The following MAGI2 variants were observed in gnomAD, a reference collection of about 807,000 sequenced individuals.
The protein encoded by MAGI2 is membrane associated guanylate kinase, WW and PDZ domain containing 2.
Under a neutral mutation model 133.3 loss-of-function variants are expected in MAGI2, and 35 were observed. That is an observed-to-expected ratio of 0.26 (90% CI 0.20 to 0.35). MAGI2 has a LOEUF of 0.35. Ranked by LOEUF, MAGI2 falls within the 10% of genes least tolerant of loss-of-function variation. The pLI, the probability that MAGI2 is intolerant of heterozygous loss-of-function variation, is 1.00. For missense variants in MAGI2, 1,636 were observed against 1,863.4 expected (o/e 0.88, Z 2.25); for synonymous variants, 729 against 710.6 (o/e 1.03, Z -0.41).
intron 1 of MAGI2, among the ~76,000 whole-genome samples, chr7:79,084,828 A>G (rs1816344684): frequency 2.0e-5 from 3 of 151,736 alleles, no homozygotes; most frequent in Admixed American, 2.0e-4. Flanking sequence ...GATAGTGTTG[A>G]ATTTTTTAAT....
At chr7:78,850,322 G>A (rs1173618275) in intron 2 of MAGI2, among the ~76,000 whole-genome samples, 1 of 152,192 alleles carries the variant, frequency 6.6e-6, no homozygotes, top group African/African-American at 2.4e-5. Flanking sequence ...TGCTGCTGTA[G>A]TGCAAAGTCT....
At chr7:78,024,262 C>T (rs1808696486) in intron 21 of MAGI2, among the ~76,000 whole-genome samples, 1 of 152,158 alleles carries the variant, frequency 6.6e-6, no homozygotes, top group Admixed American at 6.5e-5. Context: ...ACATAGTTTT[C>T]TTTCTCTGCA....
chr7:78,255,807 C>G, intron 10 of MAGI2, 136 bp downstream of exon 10: 80 of 846,296 alleles, frequency 9.5e-5, no homozygotes, highest in Non-Finnish European at 1.3e-4. Context: ...TCATGTTTTT[C>G]TCTCTCACTC....
At chr7:78,069,644 A>G (rs959055605) in intron 21 of MAGI2, among the ~76,000 whole-genome samples, 1 of 151,774 alleles carries the variant, frequency 6.6e-6, no homozygotes, top group Admixed American at 6.6e-5. Context: ...TAGTTTCCAT[A>G]TTTGATCTTG....
chr7:79,443,316 G>A (rs1848622859), intron 1 of MAGI2, among the ~76,000 whole-genome samples: 1 of 147,466 alleles, frequency 6.8e-6, no homozygotes, highest in African/African-American at 2.5e-5. Context: ...GTGTGTGTGT[G>A]TATTCCATGT....
At position 78,409,778 on chromosome 7, in the gene MAGI2, T is replaced by C. The variant is rs570214373; in HGVS notation, c.1046-40565A>G. Among the ~76,000 whole-genome samples, 358 of 152,184 alleles carry C rather than the reference T, an allele frequency of 2.4e-3. 2 individuals are homozygous for C. Among genetic ancestry groups the C allele is most frequent in the African/African-American group, 7.8e-3 (323 of 41,542 alleles). ...GTACATGTTTCTTGAAGGAAGCTTTTGCATATGTTCCCAGACCCTGCCCCG... is the reference window on the plus strand; with the variant it reads ...GTACATGTTTCTTGAAGGAAGCTTTCGCATATGTTCCCAGACCCTGCCCCG... On this transcript the variant is annotated intron_variant, in intron 6 of 21. Transcript: ENST00000354212.
chr7:78,083,383 GGGGGGAGAGAGAGAGAGAGAGA>G (rs1476066521), intron 20 of MAGI2, among the ~76,000 whole-genome samples: 3,593 of 76,392 alleles, frequency 0.047, 100 homozygotes, highest in East Asian at 0.097. Context: ...AGGGAGGGAG[GGGGGGAGAGAGAGAGAGAGAGA>G]GAGAGAGAGA....
chr7:79,423,867 A>G (rs1322413573), intron 1 of MAGI2, among the ~76,000 whole-genome samples: 2 of 152,158 alleles, frequency 1.3e-5, no homozygotes, highest in Non-Finnish European at 2.9e-5. Flanking sequence ...AATGCATATT[A>G]TTATATAAAA....
chr7:78,412,996 C>G (rs979393471), intron 6 of MAGI2, among the ~76,000 whole-genome samples: 1 of 152,050 alleles, frequency 6.6e-6, no homozygotes, highest in African/African-American at 2.4e-5. Context: ...AAATGGGAAC[C>G]TTTTAATATT....
chr7:78,838,049 G>A (rs1346535086), intron 2 of MAGI2, among the ~76,000 whole-genome samples: 3 of 152,068 alleles, frequency 2.0e-5, no homozygotes, highest in Non-Finnish European at 4.4e-5. Flanking sequence ...CTCTCCTCAT[G>A]CATCTTTAAT....
At chr7:78,727,292 T>C (rs1820916045) in intron 2 of MAGI2, among the ~76,000 whole-genome samples, 1 of 152,198 alleles carries the variant, frequency 6.6e-6, no homozygotes, top group African/African-American at 2.4e-5. Context: ...ATTAGCTCTG[T>C]GATGGGGCTG....
intron 1 of MAGI2, among the ~76,000 whole-genome samples, chr7:79,423,115 T>C (rs762834708): frequency 5.3e-5 from 8 of 152,210 alleles, no homozygotes; most frequent in African/African-American, 1.2e-4. Flanking sequence ...CTTCTAACAT[T>C]ATAGCACTCT....
chr7:79,321,535 A>C (rs1187541837), intron 1 of MAGI2, among the ~76,000 whole-genome samples: 1 of 152,218 alleles, frequency 6.6e-6, no homozygotes, highest in Admixed American at 6.5e-5. Flanking sequence ...TAGGACAAAA[A>C]GGCAGTGCTT....
chr7:79,281,985 TA>T (rs1433421032), intron 1 of MAGI2, among the ~76,000 whole-genome samples: 2 of 152,178 alleles, frequency 1.3e-5, no homozygotes, highest in Non-Finnish European at 1.5e-5. Context: ...ATTTCCACTA[TA>T]AATCTTTTCA....
chr7:78,621,921 A>AT (rs774379878), intron 3 of MAGI2, among the ~76,000 whole-genome samples: 1 of 151,976 alleles, frequency 6.6e-6, no homozygotes, highest in Admixed American at 6.6e-5. Flanking sequence ...CCTCATGACT[A>AT]TTTTTCGGAT....
rs5885086 is a variant in MAGI2 at position 78,685,466 on chromosome 7, GTTT to G, written c.419-58230_419-58228del. On this transcript the variant is annotated intron_variant, in intron 2 of 21. Transcript: ENST00000354212. Reference sequence around the variant, plus strand: ...ACACTCCCTTCAATTTGTCATTGTCGTTTTTTTTTTTTTTAACAGCCCCACGAG... The same window carrying G: ...ACACTCCCTTCAATTTGTCATTGTCGTTTTTTTTTTTAACAGCCCCACGAG... Among the ~76,000 whole-genome samples the G allele has an allele frequency of 3.6e-3, 506 of 141,566 alleles. 1 individual carries two copies. The highest frequency in any genetic ancestry group is 9.2e-3 in the African/African-American group (362 of 39,476). 92.9% of individuals were successfully genotyped at this position (141,566 alleles called of 152,430 possible).
chr7:78,244,183 A>G (rs1438514288), intron 10 of MAGI2, among the ~76,000 whole-genome samples: 2 of 149,740 alleles, frequency 1.3e-5, no homozygotes, highest in African/African-American at 4.9e-5. Flanking sequence ...AAAAAAAAAA[A>G]AAAAAAAAAA....
intron 2 of MAGI2, among the ~76,000 whole-genome samples, chr7:78,750,314 C>T (rs1823335958): frequency 6.6e-6 from 1 of 152,082 alleles, no homozygotes; most frequent in Admixed American, 6.5e-5. Context: ...CAAGTCTTTG[C>T]TATTGTGAAC....
At chr7:79,026,688 C>T (rs549523604) in intron 1 of MAGI2, among the ~76,000 whole-genome samples, 35 of 152,082 alleles carry the variant, frequency 2.3e-4, no homozygotes, top group African/African-American at 8.4e-4. Context: ...GCCTGGCCAA[C>T]ATGATGAAAC....
Sources: gnomAD v4.1 joint callset for allele counts (sites outside exome capture counted in the v4.1 genomes callset) on GRCh38, gnomAD v4.1.1 for gene constraint, MANE v1.5 for transcripts, NCBI Gene and HGNC (gene_info 2026-07-23, HGNC 2026-07-21) for gene names.